Variants in PLXNA4 observed in about 807,000 individuals in gnomAD.
PLXNA4 encodes plexin A4.
Under a neutral mutation model 191.8 loss-of-function variants are expected in PLXNA4, and 44 were observed. The observed-to-expected ratio is 0.23, with a 90% CI of 0.18 to 0.29. The LOEUF (loss-of-function observed/expected upper bound fraction) is 0.29. Among genes scored for constraint, PLXNA4 ranks in the 10% least tolerant of loss-of-function variants. PLXNA4 has a pLI of 1.00. For synonymous variants in PLXNA4, 1,082 were observed against 1,009.5 expected, an observed-to-expected ratio of 1.07 and a Z score of -1.36; for missense variants, 1,800 against 2,488.8, an observed-to-expected ratio of 0.72 and a Z score of 5.89.
chr7:132,329,944 T>G (rs1802525349), intron 3 of PLXNA4, among the ~76,000 whole-genome samples: 1 of 152,214 alleles, frequency 6.6e-6, no homozygotes. Context: ...AGCCAGGTGC[T>G]GTCCTGAGCA....
rs540004979 is a variant in PLXNA4 at position 132,344,815 on chromosome 7, A to G, written c.1372-46593T>C. 5.3e-5 allele frequency among the ~76,000 whole-genome samples: 8 copies of G among 152,318 alleles called. No individual in the cohort carries two copies. In the East Asian group the frequency reaches 1.2e-3, roughly 22 times the overall value. On this transcript the variant is annotated intron_variant, in intron 3 of 31. Transcript: ENST00000321063. ...TGAGAAGGTCTTGCCTCTCAGTGGA[A>G]CTAGGGAATAATAACATCTGCAAGG...
chr7:132,553,512 A>G (rs1434891853), intron 1 of PLXNA4, among the ~76,000 whole-genome samples: 1 of 152,140 alleles, frequency 6.6e-6, no homozygotes, highest in Non-Finnish European at 1.5e-5. Context: ...AATCTGAAGC[A>G]CAGGCACCTA....
At chr7:132,450,232 C>T (rs1278010325) in intron 3 of PLXNA4, among the ~76,000 whole-genome samples, 1 of 152,148 alleles carries the variant, frequency 6.6e-6, no homozygotes, top group Non-Finnish European at 1.5e-5. Flanking sequence ...TTAATGCAGC[C>T]ACACAGTGCT....
intron 3 of PLXNA4, among the ~76,000 whole-genome samples, chr7:132,322,184 C>CTTTTTTTTTTTTTTTTTT (rs5887566): frequency 6.5e-5 from 8 of 122,496 alleles, no homozygotes; most frequent in South Asian, 2.8e-4. Context: ...CCTAAAAGGG[C>CTTTTTTTTTTTTTTTTTT]TTTTTTTTTT....
chr7:132,177,429 T>A (rs1354465159), intron 20 of PLXNA4, among the ~76,000 whole-genome samples: 1 of 152,238 alleles, frequency 6.6e-6, no homozygotes, highest in African/African-American at 2.4e-5. Flanking sequence ...GTTCAGTGGC[T>A]GGCTCTGGGC....
chr7:132,462,123 T>C (rs1161208580), intron 3 of PLXNA4, among the ~76,000 whole-genome samples: 1 of 152,194 alleles, frequency 6.6e-6, no homozygotes, highest in East Asian at 1.9e-4. Flanking sequence ...CTAGATCATA[T>C]TAATAAAAAT....
chr7:132,241,126 C>G lies in PLXNA4; in HGVS notation c.1544G>C (p.Ser515Thr). The change falls in exon 5 of 32, where the codon AGC becomes ACC. Residue 515 changes from serine (S) to threonine (T), a missense_variant. Ser to Thr is a moderately conservative substitution (Grantham distance 58, BLOSUM62 1). This residue lies in a region of PLXNA4 where 1,397 missense variants were observed against 1,880.4 expected (regional missense o/e 0.74). Transcript: ENST00000321063. ...GCCTGAGCCAAGGCACTCGCCGCAG[C>G]TCTGATACTGACCACAGGACTCCAC... ...VPVESCGQYQ[S>T]CGECLGSGDP... 1 of 1,613,330 alleles carries G rather than the reference C, an allele frequency of 6.2e-7. No individual in the cohort carries two copies. Among genetic ancestry groups the G allele is most frequent in the Non-Finnish European group, 8.5e-7 (1 of 1,179,426 alleles).
chr7:132,628,599 T>A (rs1203884579), intron 2 of PLXNA4, among the ~76,000 whole-genome samples: 1 of 152,076 alleles, frequency 6.6e-6, no homozygotes, highest in Non-Finnish European at 1.5e-5. Flanking sequence ...TTTCTAAACA[T>A]CTTTTATTTT....
intron 3 of PLXNA4, among the ~76,000 whole-genome samples, chr7:132,325,661 G>A (rs1431679774): frequency 6.6e-6 from 1 of 152,152 alleles, no homozygotes; most frequent in Non-Finnish European, 1.5e-5. Context: ...GCAAGGAAGG[G>A]TTCTACACAG....
intron 1 of PLXNA4, among the ~76,000 whole-genome samples, chr7:132,563,200 T>TTCCTCCTCCTCCTCC (rs1281793858): frequency 4.4e-5 from 1 of 22,944 alleles, no homozygotes; most frequent in Non-Finnish European, 9.5e-5. Context: ...CCTCCTCCTC[T>TTCCTCCTCCTCCTCC]TCCTCCTCCT....
intron 30 of PLXNA4, among the ~76,000 whole-genome samples, chr7:132,137,863 G>C (rs1395795630): frequency 2.0e-5 from 3 of 151,414 alleles, no homozygotes; most frequent in Non-Finnish European, 4.4e-5. Flanking sequence ...AAGAGAATGA[G>C]TGAGAGGAGA....
intron 3 of PLXNA4, among the ~76,000 whole-genome samples, chr7:132,454,873 C>T (rs1302395881): frequency 6.6e-6 from 1 of 152,128 alleles, no homozygotes. Flanking sequence ...TGGGAGCCAC[C>T]CAGTCTGTGG....
At chr7:132,226,113 G>A (rs758757793) in intron 8 of PLXNA4, 48 bp downstream of exon 8, 2 of 1,539,418 alleles carry the variant, frequency 1.3e-6, no homozygotes, top group South Asian at 2.3e-5. Context: ...ATCTTTGGAT[G>A]AAACTTGACC....
At chr7:132,370,116 T>C (rs1375180999) in intron 3 of PLXNA4, among the ~76,000 whole-genome samples, 1 of 151,600 alleles carries the variant, frequency 6.6e-6, no homozygotes, top group Non-Finnish European at 1.5e-5. Flanking sequence ...ACAGCAGGTT[T>C]GAGCTCCCTT....
At chr7:132,170,550 G>A (rs908044408) in intron 21 of PLXNA4, among the ~76,000 whole-genome samples, 3 of 152,242 alleles carry the variant, frequency 2.0e-5, no homozygotes, top group African/African-American at 7.2e-5. Flanking sequence ...AAGTCGCAGA[G>A]GGTGGCAGAA....
At chr7:132,509,160 A>AGAGGGAGG (rs530262352) in intron 1 of PLXNA4, among the ~76,000 whole-genome samples, 6 of 124,200 alleles carry the variant, frequency 4.8e-5, no homozygotes, top group African/African-American at 9.1e-5. Flanking sequence ...CTGGAGGAGA[A>AGAGGGAGG]GAGGGAGGGA....
chr7:132,479,184 G>A (rs762523212), intron 3 of PLXNA4, among the ~76,000 whole-genome samples: 8 of 151,830 alleles, frequency 5.3e-5, no homozygotes, highest in African/African-American at 1.2e-4. Context: ...CAGGTGGATC[G>A]CTAGAACCCA....
chr7:132,442,368 A>G (rs992512057), intron 3 of PLXNA4, among the ~76,000 whole-genome samples: 2 of 152,196 alleles, frequency 1.3e-5, no homozygotes, highest in African/African-American at 4.8e-5. Flanking sequence ...GAAACAAGAA[A>G]GAGAAGCCTG....
At chr7:132,407,181 T>A (rs994293033) in intron 3 of PLXNA4, among the ~76,000 whole-genome samples, 4 of 152,198 alleles carry the variant, frequency 2.6e-5, no homozygotes, top group African/African-American at 9.7e-5. Context: ...AGGAGCTCAT[T>A]ATCTCAGCTG....
Sources: gnomAD v4.1 joint callset for allele counts (sites outside exome capture counted in the v4.1 genomes callset) on GRCh38, gnomAD v4.1.1 for gene constraint, gnomAD v4.1.1 regional missense constraint, MANE v1.5 for transcripts, NCBI Gene and HGNC (gene_info 2026-07-23, HGNC 2026-07-21) for gene names.